Variants in RNF10 observed in about 807,000 individuals in gnomAD.
The protein encoded by RNF10 is E3 ubiquitin-protein ligase RNF10.
RNF10 carries 38 observed loss-of-function variants against 91.4 expected under a neutral mutation model. That is an observed-to-expected ratio of 0.42 (90% CI 0.32 to 0.54). RNF10 has a LOEUF of 0.54. RNF10 is among the 20% of genes least tolerant of loss of function. The pLI, the probability that RNF10 is intolerant of heterozygous loss-of-function variation, is 0.16. For missense variants in RNF10, 945 were observed against 1,012.0 expected, an observed-to-expected ratio of 0.93 and a Z score of 0.90; for synonymous variants, 364 against 366.3, an observed-to-expected ratio of 0.99 and a Z score of 0.07.
intron 14 of RNF10, among the ~76,000 whole-genome samples, chr12:120,572,256 C>T (rs2137266026): frequency 6.6e-6 from 1 of 151,974 alleles, no homozygotes; most frequent in South Asian, 2.1e-4. Flanking sequence ...TTAGTAGAGA[C>T]AGGGTTTCAC....
chr12:120,555,582 G>A (rs113759866), intron 4 of RNF10, among the ~76,000 whole-genome samples: 4,548 of 151,758 alleles, frequency 0.03, 240 homozygotes, highest in African/African-American at 0.1. Flanking sequence ...CTGCCTGCCA[G>A]GTTCAAGCGA....
chr12:120,557,333 A>C lies in RNF10; in HGVS notation c.697A>C (p.Thr233Pro), dbSNP rs752063427. 1 of 1,614,148 alleles carries C rather than the reference A, an allele frequency of 6.2e-7. No homozygotes were observed. Among genetic ancestry groups the C allele is most frequent in the Non-Finnish European group, 8.5e-7 (1 of 1,180,032 alleles). ...PSCPICLYPP[T>P]AAKITRCGHI... Reference sequence around the variant, plus strand: ...TTGCCCAATATGCCTCTATCCACCTACTGCAGCCAAGATAACCCGTTGTGG... The same window carrying C: ...TTGCCCAATATGCCTCTATCCACCTCCTGCAGCCAAGATAACCCGTTGTGG... Residue 233 changes from threonine to proline, a missense_variant, in exon 5 of 17, where the codon ACT becomes CCT. Transcript: ENST00000325954.
rs201228341 is a variant in RNF10, at chr12:120,566,897, A to C, written c.1958A>C (p.Asp653Ala). 9.7e-5 allele frequency: 157 copies of C among 1,613,962 alleles called. 1 individual carries two copies. The East Asian group carries it at 3.2e-3, about 33-fold the overall frequency. The change falls in exon 13 of 17, where the codon GAT (aspartate) becomes GCT (alanine). Residue 653 changes from aspartate (D) to alanine (A), a missense_variant. Physicochemically the swap from Asp to Ala is moderately radical, Grantham distance 126 (BLOSUM62 -2). Transcript: ENST00000325954. ...PAFNSYTCSS[D>A]SALGPTSTEG... Reference sequence around the variant, plus strand: ...TTCAATTCTTATACCTGCTCCTCTGATTCTGCTTTGGGTCCCACCAGCACC... The same window carrying C: ...TTCAATTCTTATACCTGCTCCTCTGCTTCTGCTTTGGGTCCCACCAGCACC...
At chr12:120,542,144 G>A (rs954787623) in intron 1 of RNF10, among the ~76,000 whole-genome samples, 1 of 152,076 alleles carries the variant, frequency 6.6e-6, no homozygotes, top group Non-Finnish European at 1.5e-5. Context: ...GGGATTACAG[G>A]CGTGAGCCAC....
intron 7 of RNF10, among the ~76,000 whole-genome samples, chr12:120,562,137 C>T (rs1331089059): frequency 1.3e-5 from 2 of 152,040 alleles, no homozygotes; most frequent in Non-Finnish European, 2.9e-5. Context: ...TCCTGATCCC[C>T]TCCCTCCTCC....
At chr12:120,543,274 A>G (rs535306234) in intron 1 of RNF10, among the ~76,000 whole-genome samples, 52 of 152,320 alleles carry the variant, frequency 3.4e-4, no homozygotes, top group Non-Finnish European at 5.4e-4. Flanking sequence ...TTAGAGGGTG[A>G]GGCCTGAGCA....
At chr12:120,553,153 G>A (rs1013289504) in intron 3 of RNF10, among the ~76,000 whole-genome samples, 20 of 124,634 alleles carry the variant, frequency 1.6e-4, no homozygotes, top group Non-Finnish European at 2.2e-4. Flanking sequence ...GCGTGATCTC[G>A]GCTCACTGCA....
Position 120,534,488 on chromosome 12 carries a change from A to C in RNF10, c.-324A>C. On this transcript the variant is annotated 5_prime_UTR_variant, in exon 1 of 17. Transcript: ENST00000325954. ...CCTCTCCCCTGCCTCGCGGCGGGAG[A>C]GCGTGTCCGGCCGGCCGGCCGGCGG... 1 of 205,974 alleles carries C rather than the reference A, an allele frequency of 4.9e-6. No individual in the cohort carries two copies. Among genetic ancestry groups the C allele is most frequent in the South Asian group, 9.8e-5 (1 of 10,172 alleles). The allele number at this position is 205,974 out of a possible 1,614,324, so 12.8% of individuals were successfully genotyped here. A position where few individuals can be genotyped will look rare whatever the true frequency, so the allele number is the denominator to read the frequency against.
At chr12:120,569,483 A>G (rs978083132) in intron 13 of RNF10, among the ~76,000 whole-genome samples, 3 of 151,338 alleles carry the variant, frequency 2.0e-5, no homozygotes, top group African/African-American at 7.3e-5. Context: ...TAACTGAAAA[A>G]GGAGCATACG....
At chr12:120,576,489 TC>T in intron 16 of RNF10, 100 bp from the exon 17 acceptor site, 1 of 1,491,468 alleles carries the variant, frequency 6.7e-7, no homozygotes, top group Non-Finnish European at 8.9e-7. Flanking sequence ...TTCCAGAGCC[TC>T]CACTCTTAGC....
intron 2 of RNF10, among the ~76,000 whole-genome samples, chr12:120,547,847 G>A (rs1016035882): frequency 3.9e-5 from 6 of 152,158 alleles, no homozygotes; most frequent in Non-Finnish European, 5.9e-5. Flanking sequence ...AACCTGATGC[G>A]GAGTTTTAAA....
At chr12:120,575,087 A>G (rs961344168) in intron 14 of RNF10, 2 of 159,144 alleles carry the variant, frequency 1.3e-5, no homozygotes, top group African/African-American at 4.8e-5. Flanking sequence ...AAAAAAAAAA[A>G]AATCCAAAAA....
Position 120,565,389 on chromosome 12 carries a change from G to T in RNF10, c.1784-39G>T, listed in dbSNP as rs749690593. 63 of 1,584,340 alleles carry T rather than the reference G, an allele frequency of 4.0e-5. No homozygotes were observed. The East Asian group carries it at 1.4e-3, about 35-fold the overall frequency. ...ACTGGGAGGAGGTAATGACCATGTT[G>T]TCCTGGGTCTACCTCTTTACAACCT... On this transcript the variant is annotated intron_variant, in intron 11 of 16. Transcript: ENST00000325954.
chr12:120,563,714 T>C (rs1252500797), intron 9 of RNF10, 91 bp downstream of exon 9: 5 of 1,576,392 alleles, frequency 3.2e-6, no homozygotes, highest in African/African-American at 1.4e-5. Flanking sequence ...CTAGATCCTG[T>C]GGCTTGGGTG....
chr12:120,553,404 T>C (rs1173397740), intron 3 of RNF10, among the ~76,000 whole-genome samples: 1 of 144,652 alleles, frequency 6.9e-6, no homozygotes, highest in African/African-American at 2.6e-5. Context: ...AGGAATTCTT[T>C]TTTTTTTTTT....
At chr12:120,537,632 C>T (rs1045674027) in intron 1 of RNF10, among the ~76,000 whole-genome samples, 1 of 152,096 alleles carries the variant, frequency 6.6e-6, no homozygotes, top group Non-Finnish European at 1.5e-5. Flanking sequence ...CATGTAAAGG[C>T]CCTTTGTTAG....
At position 120,575,743 on chromosome 12, in the gene RNF10, T is replaced by C. The variant is rs755812957; in HGVS notation, c.2201-49T>C. 13 of 1,613,960 alleles carry C rather than the reference T, an allele frequency of 8.1e-6. No homozygotes were observed. The Admixed American group carries it at 2.2e-4, about 27-fold the overall frequency. On this transcript the variant is annotated intron_variant, in intron 15 of 16. Transcript: ENST00000325954. Reference sequence around the variant, plus strand: ...TTTGGCTTCTTTCCATAAAAGGCTGTTTCTAGAAAAAGAGTTGTTTCTATA... The same window carrying C: ...TTTGGCTTCTTTCCATAAAAGGCTGCTTCTAGAAAAAGAGTTGTTTCTATA...
intron 2 of RNF10, among the ~76,000 whole-genome samples, chr12:120,546,952 A>G (rs1238171560): frequency 1.3e-5 from 2 of 152,236 alleles, no homozygotes; most frequent in Non-Finnish European, 2.9e-5. Context: ...AGCAAAATGT[A>G]AAATGCATAT....
intron 7 of RNF10, among the ~76,000 whole-genome samples, chr12:120,561,611 A>G (rs1174121511): frequency 6.6e-6 from 1 of 152,196 alleles, no homozygotes; most frequent in Non-Finnish European, 1.5e-5. Context: ...CATTTATCTC[A>G]CTTAAGCTTC....
Sources: gnomAD v4.1 joint callset for allele counts (sites outside exome capture counted in the v4.1 genomes callset) on GRCh38, gnomAD v4.1.1 for gene constraint, MANE v1.5 for transcripts, NCBI Gene and HGNC (gene_info 2026-07-23, HGNC 2026-07-21) for gene names.